Variants in RNF111 observed in about 807,000 individuals in gnomAD.
RNF111 encodes the protein ring finger protein 111.
A neutral mutation model predicts 95.1 loss-of-function variants in RNF111; 17 were observed. The observed-to-expected ratio is 0.18, with a 90% CI of 0.12 to 0.27. The LOEUF (loss-of-function observed/expected upper bound fraction) is 0.27. Among genes scored for constraint, RNF111 ranks in the 10% least tolerant of loss-of-function variants. RNF111 has a pLI of 1.00. For synonymous variants in RNF111, 440 were observed against 414.8 expected (o/e 1.06, Z -0.74); for missense variants, 1,189 against 1,210.4 (o/e 0.98, Z 0.26).
intron 1 of RNF111, among the ~76,000 whole-genome samples, chr15:59,016,339 TC>T (rs1407242377): frequency 6.6e-6 from 1 of 151,900 alleles, no homozygotes; most frequent in Admixed American, 6.6e-5. Context: ...CCAGCTGATT[TC>T]TGTATTTTTA....
chr15:59,091,027 C>T, intron 11 of RNF111, 32 bp from the exon 12 acceptor site: 2 of 1,316,018 alleles, frequency 1.5e-6, no homozygotes, highest in Non-Finnish European at 2.2e-6. Context: ...ATCATCTTGG[C>T]TTTTACCAGT....
intron 1 of RNF111, among the ~76,000 whole-genome samples, chr15:59,001,670 C>A (rs2039330700): frequency 2.6e-5 from 4 of 152,074 alleles, no homozygotes; most frequent in African/African-American, 9.7e-5. Context: ...ATAGAAAATA[C>A]TTAATACTTT....
At position 59,081,003 on chromosome 15, in the gene RNF111, T is replaced by C. The variant is rs1342062827; in HGVS notation, c.2016T>C (p.Pro672=). The C allele has an allele frequency of 6.2e-7, 1 of 1,613,934 alleles. No individual in the cohort carries two copies. The highest frequency in any genetic ancestry group is 1.3e-5 in the African/African-American group (1 of 74,882). Residue 672 remains proline (P), a synonymous_variant, in exon 8 of 14, where the codon CCT becomes CCC. Coordinates refer to ENST00000348370, the MANE Select transcript of RNF111 (RefSeq NM_017610.8). ...GCCCGCATTCTCATGGAAACCCCCCTCCTCAGACTCAGCCTCCGCCTCAAG... is the reference window on the plus strand; with the variant it reads ...GCCCGCATTCTCATGGAAACCCCCCCCCTCAGACTCAGCCTCCGCCTCAAG... ...SACPHSHGNP[P]PQTQPPPQVD...
chr15:58,999,727 A>C (rs1428517753), intron 1 of RNF111, among the ~76,000 whole-genome samples: 1 of 152,184 alleles, frequency 6.6e-6, no homozygotes, highest in African/African-American at 2.4e-5. Context: ...TCACACTGCT[A>C]TAAATAACTG....
At chr15:59,014,667 C>T (rs2039984234) in intron 1 of RNF111, among the ~76,000 whole-genome samples, 1 of 151,928 alleles carries the variant, frequency 6.6e-6, no homozygotes, top group South Asian at 2.1e-4. Context: ...AAAATGATCT[C>T]TCTTTGGGTG....
At chr15:59,067,183 T>C in intron 6 of RNF111, 100 bp downstream of exon 6, 1 of 1,023,324 alleles carries the variant, frequency 9.8e-7, no homozygotes, top group Non-Finnish European at 1.4e-6. Context: ...CATTCCTGTC[T>C]CTCTCCCTCC....
At chr15:59,074,251 T>G (rs988446864) in intron 6 of RNF111, among the ~76,000 whole-genome samples, 3 of 152,184 alleles carry the variant, frequency 2.0e-5, no homozygotes, top group Non-Finnish European at 2.9e-5. Flanking sequence ...ACTAGCTACA[T>G]TAGACCCTAA....
intron 12 of RNF111, among the ~76,000 whole-genome samples, chr15:59,092,079 T>C (rs1474441591): frequency 1.3e-5 from 2 of 152,232 alleles, no homozygotes; most frequent in Non-Finnish European, 1.5e-5. Context: ...TACTATTCTC[T>C]GTATTTTTCA....
chr15:59,019,403 T>C (rs1291766143), intron 1 of RNF111, among the ~76,000 whole-genome samples: 4 of 152,172 alleles, frequency 2.6e-5, no homozygotes, highest in Admixed American at 6.5e-5. Context: ...TTATGTTTTA[T>C]AGTTTTAAAA....
intron 5 of RNF111, among the ~76,000 whole-genome samples, chr15:59,060,861 G>T (rs2042406807): frequency 6.6e-6 from 1 of 151,474 alleles, no homozygotes; most frequent in Non-Finnish European, 1.5e-5. Context: ...GTGTGCAGTG[G>T]CACAATCTTG....
intron 1 of RNF111, among the ~76,000 whole-genome samples, chr15:59,019,484 C>T (rs189265626): frequency 5.9e-5 from 9 of 152,030 alleles, no homozygotes; most frequent in Admixed American, 1.3e-4. Flanking sequence ...TGAGGTCTCT[C>T]GCTCTTTACT....
chr15:59,078,074 T>G (rs564393100), intron 7 of RNF111, among the ~76,000 whole-genome samples: 1 of 152,280 alleles, frequency 6.6e-6, no homozygotes, highest in East Asian at 1.9e-4. Flanking sequence ...TAGATTCGAG[T>G]TGACCTCCCA....
Position 59,030,945 on chromosome 15 carries a change from G to A in RNF111, c.123G>A (p.Glu41=). 1 of 1,614,202 alleles carries A rather than the reference G, an allele frequency of 6.2e-7. No homozygotes were observed. ...TGAAAGGGATCCTTTTGCATCCAGA[G>A]CCCATTGGGGCAGCCAAAAGTTTTC... ...ESLKGILLHP[E]PIGAAKSFPA... is the part of the protein sequence containing the mutation. The change falls in exon 2 of 14, where the codon GAG becomes GAA. Residue 41 remains glutamate (E), a synonymous_variant. Coordinates refer to ENST00000348370, the MANE Select transcript of RNF111 (RefSeq NM_017610.8).
At chr15:59,094,002 G>C (rs2079128761) in intron 13 of RNF111, among the ~76,000 whole-genome samples, 1 of 152,182 alleles carries the variant, frequency 6.6e-6, no homozygotes, top group Non-Finnish European at 1.5e-5. Flanking sequence ...GTTGCTAGAA[G>C]TAGAAATGGA....
At chr15:59,016,605 T>A (rs2040079604) in intron 1 of RNF111, among the ~76,000 whole-genome samples, 1 of 152,160 alleles carries the variant, frequency 6.6e-6, no homozygotes, top group African/African-American at 2.4e-5. Context: ...CGGCCCACCA[T>A]AATTTTGTTC....
intron 2 of RNF111, among the ~76,000 whole-genome samples, chr15:59,045,265 A>G (rs1308864622): frequency 2.0e-5 from 3 of 148,940 alleles, no homozygotes; most frequent in Non-Finnish European, 3.0e-5. Context: ...ATCTTGGCTC[A>G]CTGCAACCTC....
chr15:59,050,590 T>C (rs2041934378), intron 2 of RNF111, among the ~76,000 whole-genome samples: 2 of 152,218 alleles, frequency 1.3e-5, no homozygotes, highest in African/African-American at 4.8e-5. Context: ...CAAAAAATAT[T>C]TTAACTGCAT....
chr15:59,033,398 A>T (rs760851137), intron 2 of RNF111, among the ~76,000 whole-genome samples: 3 of 152,196 alleles, frequency 2.0e-5, no homozygotes, highest in Admixed American at 6.5e-5. Flanking sequence ...ACCTACACAA[A>T]TACTTTTTTG....
intron 1 of RNF111, among the ~76,000 whole-genome samples, chr15:59,004,342 A>G (rs775542640): frequency 5.4e-4 from 82 of 152,218 alleles, no homozygotes; most frequent in Non-Finnish European, 7.9e-4. Context: ...GAAGATTGCA[A>G]AAAAGTATAT....
Sources: allele counts gnomAD v4.1 joint callset (sites outside exome capture counted in the v4.1 genomes callset), GRCh38; gene constraint gnomAD v4.1.1; transcripts MANE v1.5; gene names NCBI Gene and HGNC (gene_info 2026-07-23, HGNC 2026-07-21).